FMNL2: variants seen among roughly 807,000 people sequenced by gnomAD.
The protein encoded by FMNL2 is formin-like protein 2.
Under a neutral mutation model 130.2 loss-of-function variants are expected in FMNL2, and 51 were observed. The ratio of observed to expected loss-of-function variants is 0.39; its 90% CI spans 0.31 to 0.49. The LOEUF (loss-of-function observed/expected upper bound fraction) is 0.49, where lower values mean the gene tolerates loss of function less well. Among genes scored for constraint, FMNL2 ranks in the 20% least tolerant of loss-of-function variants. The pLI is 0.85. For missense variants in FMNL2, 977 were observed against 1,316.2 expected, an observed-to-expected ratio of 0.74 and a Z score of 3.99; for synonymous variants, 465 against 467.1, an observed-to-expected ratio of 1.00 and a Z score of 0.06.
At position 152,640,055 on chromosome 2, in the gene FMNL2, AG is replaced by A; in HGVS notation, c.3045+1del. 6.5e-7 allele frequency: 1 copy of A among 1,549,826 alleles called. No individual in the cohort carries two copies. Among genetic ancestry groups the A allele is most frequent in the Non-Finnish European group, 8.7e-7 (1 of 1,147,020 alleles). On this transcript the variant is annotated frameshift_variant and splice_region_variant, in exon 24 of 26. Transcript: ENST00000288670. LOFTEE classifies it high-confidence loss of function. ...GCTCTGATGGAGCAGCAGGATCCAA[AG>A]GTAAGAAGTGCCGCACTCATGAGAC... is the stretch of plus-strand genomic sequence containing the variant. ...QEALMEQQDP[K>X]SPSHKSKRQQ... is the part of the protein sequence containing the mutation.
At chr2:152,481,399 C>T (rs1690512509) in intron 1 of FMNL2, among the ~76,000 whole-genome samples, 1 of 152,172 alleles carries the variant, frequency 6.6e-6, no homozygotes. Flanking sequence ...ATTATGACTT[C>T]GATATAGCAC....
intron 1 of FMNL2, among the ~76,000 whole-genome samples, chr2:152,471,069 G>T (rs188209017): frequency 9.9e-5 from 15 of 151,994 alleles, no homozygotes; most frequent in Admixed American, 9.2e-4. Context: ...TCACATAAGA[G>T]ACCTCCCTTT....
chr2:152,616,741 C>T (rs1698973275), intron 12 of FMNL2, among the ~76,000 whole-genome samples: 1 of 152,102 alleles, frequency 6.6e-6, no homozygotes, highest in Non-Finnish European at 1.5e-5. Context: ...GGCTGATGGC[C>T]CTTTCTTGGC....
At chr2:152,543,252 G>A (rs1456601675) in intron 3 of FMNL2, among the ~76,000 whole-genome samples, 1 of 152,152 alleles carries the variant, frequency 6.6e-6, no homozygotes, top group African/African-American at 2.4e-5. Flanking sequence ...GATGCTTTTA[G>A]CAGCTCCCCC....
In FMNL2 at chr2:152,648,211, A is replaced by G. The variant is rs1580185344; in HGVS notation, c.*306A>G. 3.4e-5 allele frequency: 9 copies of G among 267,958 alleles called. No individual in the cohort carries two copies. The East Asian group carries it at 6.5e-4, about 19-fold the overall frequency. The allele number at this position is 267,958 out of a possible 1,614,324, so 16.6% of individuals were successfully genotyped here. A position where few individuals can be genotyped will look rare whatever the true frequency, so the allele number is the denominator to read the frequency against. ...GTTCTTATTAAACTCATTACCTGCC[A>G]TTGTGATTGTCCCATCATGGCCCAC... On this transcript the variant is annotated 3_prime_UTR_variant, in exon 26 of 26. Transcript: ENST00000288670.
intron 3 of FMNL2, among the ~76,000 whole-genome samples, chr2:152,543,272 C>T (rs545040452): frequency 1.3e-5 from 2 of 152,176 alleles, no homozygotes; most frequent in Non-Finnish European, 2.9e-5. Flanking sequence ...CCTACTCCCC[C>T]CAACCCCTGC....
intron 1 of FMNL2, among the ~76,000 whole-genome samples, chr2:152,371,857 C>A (rs1175529919): frequency 6.6e-6 from 1 of 152,008 alleles, no homozygotes; most frequent in Admixed American, 6.6e-5. Context: ...TTAGCCCCCT[C>A]ACCTTGCGAT....
At chr2:152,476,762 C>T (rs1351877828) in intron 1 of FMNL2, among the ~76,000 whole-genome samples, 4 of 151,454 alleles carry the variant, frequency 2.6e-5, no homozygotes, top group South Asian at 2.1e-4. Context: ...CCATAGTGGG[C>T]GGAACACCTT....
rs141679186 is a variant in FMNL2 at position 152,482,531 on chromosome 2, G to A, written c.118-39412G>A. 5.6e-4 allele frequency among the ~76,000 whole-genome samples: 85 copies of A among 152,304 alleles called. 1 individual carries two copies. Among genetic ancestry groups the A allele is most frequent in the Non-Finnish European group, 1.1e-3 (73 of 68,022 alleles). On this transcript the variant is annotated intron_variant, in intron 1 of 25. Coordinates refer to ENST00000288670, the MANE Select transcript of FMNL2 (RefSeq NM_052905.4). ...CGATCAGTTTCTTAAGACTGGCTGC[G>A]ATGGGTTTTGCGTGTGAGGCAGTGT... is the stretch of plus-strand genomic sequence containing the variant.
At chr2:152,518,725 A>G (rs1320008655) in intron 1 of FMNL2, among the ~76,000 whole-genome samples, 1 of 152,114 alleles carries the variant, frequency 6.6e-6, no homozygotes, top group Non-Finnish European at 1.5e-5. Flanking sequence ...ACATTTGTCC[A>G]CCTTTCTTCA....
chr2:152,421,776 T>C (rs1686936127), intron 1 of FMNL2, among the ~76,000 whole-genome samples: 1 of 152,232 alleles, frequency 6.6e-6, no homozygotes. Flanking sequence ...GGAGTGATGT[T>C]ATAGAAATTG....
chr2:152,599,403 AT>A (rs1697932312), intron 9 of FMNL2, among the ~76,000 whole-genome samples: 1 of 57,456 alleles, frequency 1.7e-5, no homozygotes, highest in African/African-American at 6.9e-5. Context: ...ATTGAAGGTC[AT>A]CTTTTTTTTT....
chr2:152,637,693 C>CT lies in FMNL2; in HGVS notation c.2946+21dup. On this transcript the variant is annotated intron_variant, in intron 23 of 25. Coordinates refer to ENST00000288670, the MANE Select transcript of FMNL2 (RefSeq NM_052905.4). ...ATATAAGGTATATGTTAAGGCCCTC[C>CT]TTGCCCTTATTTCTCAAGCAATTGC... 1 of 1,605,340 alleles carries CT rather than the reference C, an allele frequency of 6.2e-7. No individual in the cohort carries two copies. The highest frequency in any genetic ancestry group is 1.7e-5 in the Admixed American group (1 of 59,906).
At chr2:152,400,752 C>T (rs1685647531) in intron 1 of FMNL2, among the ~76,000 whole-genome samples, 1 of 152,302 alleles carries the variant, frequency 6.6e-6, no homozygotes, top group Admixed American at 6.5e-5. Context: ...CTGGTCCCTG[C>T]CCACTATAGG....
chr2:152,389,456 G>A (rs906960755), intron 1 of FMNL2, among the ~76,000 whole-genome samples: 13 of 152,190 alleles, frequency 8.5e-5, no homozygotes, highest in Non-Finnish European at 1.9e-4. Context: ...ACATTTAGGG[G>A]TTAGGTTTCA....
intron 1 of FMNL2, among the ~76,000 whole-genome samples, chr2:152,360,150 T>A (rs1436014951): frequency 2.6e-5 from 4 of 151,130 alleles, no homozygotes; most frequent in African/African-American, 4.9e-5. Flanking sequence ...ATAAAGGGGG[T>A]TTTCGAAGCC....
chr2:152,387,043 A>G (rs376934252), intron 1 of FMNL2, among the ~76,000 whole-genome samples: 1 of 152,210 alleles, frequency 6.6e-6, no homozygotes, highest in Non-Finnish European at 1.5e-5. Flanking sequence ...GGACTGGTTC[A>G]TAGATATTTC....
intron 2 of FMNL2, among the ~76,000 whole-genome samples, chr2:152,527,568 T>G (rs529914992): frequency 6.6e-6 from 1 of 152,110 alleles, no homozygotes; most frequent in Non-Finnish European, 1.5e-5. Flanking sequence ...ATTTTTCCCC[T>G]CAATTGCCAT....
intron 1 of FMNL2, among the ~76,000 whole-genome samples, chr2:152,492,563 G>A (rs1463849615): frequency 6.6e-6 from 1 of 152,074 alleles, no homozygotes; most frequent in Non-Finnish European, 1.5e-5. Flanking sequence ...CTAAGGCTTT[G>A]TAAGGGGGGT....
Sources: gnomAD v4.1 joint callset for allele counts (sites outside exome capture counted in the v4.1 genomes callset) on GRCh38, gnomAD v4.1.1 for gene constraint, MANE v1.5 for transcripts, NCBI Gene and HGNC (gene_info 2026-07-23, HGNC 2026-07-21) for gene names.